Variants in DOCK3 observed in about 807,000 individuals in gnomAD.
DOCK3 encodes dedicator of cytokinesis protein 3.
In DOCK3, 60 loss-of-function variants were observed where a neutral mutation model predicts 265.6. That is an observed-to-expected ratio of 0.23 (90% CI 0.18 to 0.28). The LOEUF (loss-of-function observed/expected upper bound fraction) is 0.28. Among genes scored for constraint, DOCK3 ranks in the 10% least tolerant of loss-of-function variants. DOCK3 has a pLI of 1.00. For synonymous variants in DOCK3, 881 were observed against 938.0 expected (o/e 0.94, Z 1.11); for missense variants, 1,981 against 2,594.3 (o/e 0.76, Z 5.14).
intron 27 of DOCK3, among the ~76,000 whole-genome samples, chr3:51,296,392 A>G (rs2082079253): frequency 6.6e-6 from 1 of 152,200 alleles, no homozygotes; most frequent in African/African-American, 2.4e-5. Flanking sequence ...CTACAAAGTA[A>G]CAGTAATCAA....
intron 4 of DOCK3, among the ~76,000 whole-genome samples, chr3:50,915,852 C>G (rs2050089924): frequency 6.6e-6 from 1 of 151,942 alleles, no homozygotes; most frequent in South Asian, 2.1e-4. Flanking sequence ...TCAGCTCTGG[C>G]CCATAGCAGT....
At chr3:50,871,891 T>A (rs2107588592) in intron 3 of DOCK3, among the ~76,000 whole-genome samples, 1 of 152,340 alleles carries the variant, frequency 6.6e-6, no homozygotes, top group Admixed American at 6.5e-5. Context: ...TTTTAAATTA[T>A]TTCGATCTCT....
chr3:51,197,786 C>T (rs2088412451), intron 12 of DOCK3, among the ~76,000 whole-genome samples: 2 of 152,266 alleles, frequency 1.3e-5, no homozygotes, highest in East Asian at 1.9e-4. Flanking sequence ...TGGGGTCATT[C>T]TTGGTGACCA....
intron 5 of DOCK3, among the ~76,000 whole-genome samples, chr3:50,972,721 T>A (rs1016839870): frequency 4.1e-4 from 63 of 152,212 alleles, no homozygotes; most frequent in African/African-American, 1.4e-3. Flanking sequence ...AGCACTGAGG[T>A]TTCCTGGTGG....
intron 5 of DOCK3, among the ~76,000 whole-genome samples, chr3:51,054,141 A>AG: frequency 6.6e-6 from 1 of 151,714 alleles, no homozygotes; most frequent in Non-Finnish European, 1.5e-5. Flanking sequence ...AAAAAAAAAA[A>AG]AAAAAGAGTT....
At chr3:50,856,140 T>C (rs1277701003) in intron 3 of DOCK3, among the ~76,000 whole-genome samples, 5 of 151,992 alleles carry the variant, frequency 3.3e-5, no homozygotes, top group South Asian at 2.1e-4. Context: ...TAGTGCTGCA[T>C]TGAACACGTG....
intron 5 of DOCK3, among the ~76,000 whole-genome samples, chr3:50,982,831 A>G (rs2077743660): frequency 6.6e-6 from 1 of 152,070 alleles, no homozygotes; most frequent in African/African-American, 2.4e-5. Context: ...CTCCTGCCCC[A>G]GGCTGCAAGG....
In DOCK3 at chr3:51,064,551, G is replaced by T. The variant is rs1004659771; in HGVS notation, c.419G>T (p.Arg140Leu). ...GGTCACCTGACTCAGGATCAGGTGC[G>T]GGAGGTTAAGCGGCACATCACCGTG... ...LSGHLTQDQVREVKRHITVRL... is the reference protein window; with the variant it reads ...LSGHLTQDQVLEVKRHITVRL... Residue 140 changes from arginine to leucine, a missense_variant, in exon 6 of 53, where the codon CGG becomes CTG. By Grantham distance (102) the Arg-to-Leu change is moderately radical. Transcript: ENST00000266037. 3.1e-6 allele frequency: 5 copies of T among 1,613,950 alleles called. No homozygotes were observed. Among genetic ancestry groups the T allele is most frequent in the Non-Finnish European group, 4.2e-6 (5 of 1,179,850 alleles).
intron 12 of DOCK3, among the ~76,000 whole-genome samples, chr3:51,162,790 A>G (rs1459272877): frequency 6.6e-6 from 1 of 152,190 alleles, no homozygotes; most frequent in East Asian, 1.9e-4. Context: ...GGATTCATGT[A>G]TGTATTTTTC....
intron 12 of DOCK3, among the ~76,000 whole-genome samples, chr3:51,192,659 TGA>T (rs1293471201): frequency 6.6e-6 from 1 of 152,068 alleles, no homozygotes; most frequent in Non-Finnish European, 1.5e-5. Flanking sequence ...AGTCACAGGT[TGA>T]GAGAAGCTCC....
intron 1 of DOCK3, among the ~76,000 whole-genome samples, chr3:50,747,377 CTA>C (rs1347461704): frequency 6.6e-6 from 1 of 152,094 alleles, no homozygotes; most frequent in African/African-American, 2.4e-5. Context: ...TGATTAAAAT[CTA>C]TTGATTAATT....
At chr3:50,870,514 T>A (rs948080340) in intron 3 of DOCK3, among the ~76,000 whole-genome samples, 2 of 152,094 alleles carry the variant, frequency 1.3e-5, no homozygotes, top group Non-Finnish European at 2.9e-5. Context: ...AGGGTAAGAG[T>A]GCTTCTTGTA....
intron 27 of DOCK3, 143 bp downstream of exon 27, chr3:51,280,347 T>G (rs1485168798): frequency 1.3e-6 from 1 of 779,296 alleles, no homozygotes; most frequent in South Asian, 1.8e-5. Flanking sequence ...TACAGCTGAG[T>G]GTTGGCCTCC....
chr3:51,278,110 C>T (rs193020596), intron 26 of DOCK3: 1 of 985,410 alleles, frequency 1.0e-6, no homozygotes, highest in East Asian at 1.1e-4. Context: ...GGAACCCCCT[C>T]ATACAGGTTC....
chr3:51,329,969 G>A (rs2084409485), intron 32 of DOCK3, among the ~76,000 whole-genome samples, 169 bp from the exon 33 acceptor site: 1 of 152,158 alleles, frequency 6.6e-6, no homozygotes, highest in African/African-American at 2.4e-5. Flanking sequence ...TTGGGGAGCA[G>A]AATGGTTTCT....
At chr3:51,076,286 G>A (rs1345607452) in intron 7 of DOCK3, among the ~76,000 whole-genome samples, 1 of 152,178 alleles carries the variant, frequency 6.6e-6, no homozygotes, top group Admixed American at 6.5e-5. Flanking sequence ...ACAATAGGTT[G>A]ATAAGTGTGA....
At chr3:50,853,657 C>A (rs1046420806) in intron 3 of DOCK3, among the ~76,000 whole-genome samples, 1 of 151,948 alleles carries the variant, frequency 6.6e-6, no homozygotes, top group African/African-American at 2.4e-5. Flanking sequence ...CTGTTTTATG[C>A]CTGCTTAGTA....
At chr3:51,290,912 T>C (rs1268630525) in intron 27 of DOCK3, among the ~76,000 whole-genome samples, 1 of 151,996 alleles carries the variant, frequency 6.6e-6, no homozygotes, top group African/African-American at 2.4e-5. Flanking sequence ...ACCCTGTCTC[T>C]ACTAAAAATA....
At chr3:50,771,994 A>G (rs939854729) in intron 1 of DOCK3, among the ~76,000 whole-genome samples, 4 of 152,256 alleles carry the variant, frequency 2.6e-5, no homozygotes, top group African/African-American at 7.2e-5. Flanking sequence ...CTGCACTCCC[A>G]TGTTTGTTGC....
Sources: gnomAD v4.1 joint callset for allele counts (sites outside exome capture counted in the v4.1 genomes callset) on GRCh38, gnomAD v4.1.1 for gene constraint, MANE v1.5 for transcripts, NCBI Gene and HGNC (gene_info 2026-07-23, HGNC 2026-07-21) for gene names.